The following SYNE2 variants were observed in gnomAD, a reference collection of about 807,000 sequenced individuals.
SYNE2 encodes the protein nesprin-2.
In SYNE2, 431 loss-of-function variants were observed where a neutral mutation model predicts 856.3. The ratio of observed to expected loss-of-function variants is 0.50; its 90% CI spans 0.47 to 0.55. SYNE2 has a LOEUF of 0.55. Among genes scored for constraint, SYNE2 ranks in the 20% least tolerant of loss-of-function variants. SYNE2 has a pLI of 0.00. For missense variants in SYNE2, 8,129 were observed against 8,023.2 expected (o/e 1.01, Z -0.50); for synonymous variants, 2,923 against 2,872.3 (o/e 1.02, Z -0.56).
At chr14:64,102,501 ATTTTTTTTTTT>A (rs1211142346) in intron 64 of SYNE2, among the ~76,000 whole-genome samples, 3 of 118,268 alleles carry the variant, frequency 2.5e-5, no homozygotes, top group African/African-American at 3.5e-5. Flanking sequence ...CATGGGCTGA[ATTTTTTTTTTT>A]TTTTTTTTTT....
At chr14:63,938,079 A>G (rs61984086) in intron 2 of SYNE2, among the ~76,000 whole-genome samples, 61,364 of 151,994 alleles carry the variant, frequency 0.4, 14,559 homozygotes, top group South Asian at 0.55. Flanking sequence ...GACGCAGGGC[A>G]GAAGACAAGT....
chr14:64,027,666 C>T lies in SYNE2; in HGVS notation c.6587C>T (p.Thr2196Ile), dbSNP rs1207748185. The T allele has an allele frequency of 6.2e-7, 1 of 1,614,108 alleles. No homozygotes were observed. The highest frequency in any genetic ancestry group is 1.7e-5 in the Admixed American group (1 of 60,022). Residue 2196 changes from threonine to isoleucine, a missense_variant, in exon 43 of 116, where the codon ACA becomes ATA. Physicochemically the swap from Thr to Ile is moderately conservative, Grantham distance 89. This residue lies in a region of SYNE2 where 297 missense variants were observed against 380.9 expected (regional missense o/e 0.78). Coordinates refer to ENST00000555002, the MANE Select transcript of SYNE2 (RefSeq NM_182914.3). Reference sequence around the variant, plus strand: ...TTCCTCAAGAAAGCCCAAGATTTGACATCCTTGCTAAAGGAGTTAAAATCT... The same window carrying T: ...TTCCTCAAGAAAGCCCAAGATTTGATATCCTTGCTAAAGGAGTTAAAATCT... The part of the protein sequence containing the change: ...KKFLKKAQDL[T>I]SLLKELKSQG...
At chr14:63,912,449 G>A (rs2095484534) in intron 2 of SYNE2, among the ~76,000 whole-genome samples, 1 of 152,156 alleles carries the variant, frequency 6.6e-6, no homozygotes. Flanking sequence ...ACAGCAAGCA[G>A]ACTCGTATTT....
intron 43 of SYNE2, 39 bp from the exon 44 acceptor site, chr14:64,029,852 CAGAG>C (rs751262011): frequency 1.4e-5 from 23 of 1,588,162 alleles, no homozygotes; most frequent in South Asian, 7.9e-5. Flanking sequence ...TGAAAACAAT[CAGAG>C]AGAAATAATT....
At chr14:64,105,944 A>G (rs111857826) in intron 64 of SYNE2, among the ~76,000 whole-genome samples, 3,741 of 151,866 alleles carry the variant, frequency 0.025, 64 homozygotes, top group Middle Eastern at 0.051. Flanking sequence ...CTATAGTCCC[A>G]GAGATTGAGG....
At chr14:63,951,157 A>G (rs2096151514) in intron 7 of SYNE2, among the ~76,000 whole-genome samples, 1 of 152,154 alleles carries the variant, frequency 6.6e-6, no homozygotes, top group Admixed American at 6.5e-5. Context: ...TGTCGAGTTC[A>G]AAAGGCATTT....
At chr14:64,142,627 A>G (rs2098148314) in intron 82 of SYNE2, among the ~76,000 whole-genome samples, 1 of 152,116 alleles carries the variant, frequency 6.6e-6, no homozygotes, top group Non-Finnish European at 1.5e-5. Context: ...ATGCATTATT[A>G]TAATTATTGG....
chr14:63,997,039 T>A lies in SYNE2; in HGVS notation c.3033T>A (p.Ser1011Arg). ...ELCEELPSQK[S>R]QQEVKRLLKD... Reference sequence around the variant, plus strand: ...GTGAAGAGCTGCCTTCACAGAAGAGTCAACAAGAAGTGAAGAGACTACTCA... The same window carrying A: ...GTGAAGAGCTGCCTTCACAGAAGAGACAACAAGAAGTGAAGAGACTACTCA... Residue 1011 changes from serine (S) to arginine (R), a missense_variant, in exon 24 of 116, where the codon AGT (serine) becomes AGA (arginine). Ser to Arg is a moderately radical substitution (Grantham distance 110). This residue lies in a region of SYNE2 where 2,422 missense variants were observed against 2,357.4 expected (regional missense o/e 1.03). Transcript: ENST00000555002. 1.2e-6 allele frequency: 2 copies of A among 1,613,676 alleles called. No individual in the cohort carries two copies. Among genetic ancestry groups the A allele is most frequent in the African/African-American group, 1.3e-5 (1 of 74,860 alleles).
chr14:64,215,142 C>A, intron 106 of SYNE2, 144 bp from the exon 107 acceptor site: 3 of 808,682 alleles, frequency 3.7e-6, no homozygotes, highest in Non-Finnish European at 4.1e-6. Context: ...AAAAAAAAAT[C>A]TTTCTGGTTT....
intron 94 of SYNE2, among the ~76,000 whole-genome samples, chr14:64,173,670 G>A (rs1044543324): frequency 3.3e-5 from 5 of 152,036 alleles, no homozygotes; most frequent in African/African-American, 4.8e-5. Flanking sequence ...GTGCAGTGGC[G>A]TGATCATAGC....
intron 96 of SYNE2, among the ~76,000 whole-genome samples, chr14:64,183,936 G>A (rs1000174838): frequency 2.2e-5 from 3 of 138,248 alleles, no homozygotes; most frequent in Non-Finnish European, 3.1e-5. Context: ...CGGCATCAGA[G>A]GGAGACGTGG....
chr14:63,788,128 C>A (rs1040660614), intron 1 of SYNE2, among the ~76,000 whole-genome samples: 1 of 152,220 alleles, frequency 6.6e-6, no homozygotes, highest in African/African-American at 2.4e-5. Flanking sequence ...TGGACTGCGA[C>A]AGCATCCCTG....
intron 113 of SYNE2, 76 bp from the exon 114 acceptor site, chr14:64,224,384 AG>A: frequency 8.5e-7 from 1 of 1,172,716 alleles, no homozygotes; most frequent in Non-Finnish European, 1.3e-6. Context: ...GATTTAAGGT[AG>A]GGGAGGGTGA....
chr14:63,941,426 T>C (rs1426666935), intron 3 of SYNE2, among the ~76,000 whole-genome samples: 1 of 152,246 alleles, frequency 6.6e-6, no homozygotes, highest in Non-Finnish European at 1.5e-5. Context: ...AAGTCTTTAA[T>C]GCCACTTGTG....
chr14:63,923,012 G>A (rs549038287), intron 2 of SYNE2, among the ~76,000 whole-genome samples: 8 of 152,310 alleles, frequency 5.3e-5, no homozygotes, highest in South Asian at 4.1e-4. Flanking sequence ...CACATACCTT[G>A]ATTTTTCAAA....
chr14:63,868,126 C>G (rs1251350469), intron 1 of SYNE2, among the ~76,000 whole-genome samples: 5 of 152,144 alleles, frequency 3.3e-5, no homozygotes, highest in Non-Finnish European at 7.3e-5. Context: ...AATTAACTAA[C>G]AGAACTGGTT....
At chr14:63,903,000 CT>C (rs2095359385) in intron 1 of SYNE2, among the ~76,000 whole-genome samples, 2 of 152,108 alleles carry the variant, frequency 1.3e-5, no homozygotes, top group Admixed American at 1.3e-4. Context: ...TTCTGCCTTC[CT>C]TTTTCAAAGC....
At chr14:63,880,530 T>A (rs1300912297) in intron 1 of SYNE2, among the ~76,000 whole-genome samples, 1 of 150,576 alleles carries the variant, frequency 6.6e-6, no homozygotes, top group East Asian at 1.9e-4. Flanking sequence ...ACCACAACTA[T>A]TTTTATTTTT....
At chr14:63,937,639 G>A (rs1179963783) in intron 2 of SYNE2, among the ~76,000 whole-genome samples, 2 of 152,162 alleles carry the variant, frequency 1.3e-5, no homozygotes, top group African/African-American at 2.4e-5. Context: ...TGGGGACAGG[G>A]AGAGGGCCAT....
Sources: gnomAD v4.1 joint callset for allele counts (sites outside exome capture counted in the v4.1 genomes callset) on GRCh38, gnomAD v4.1.1 for gene constraint, gnomAD v4.1.1 regional missense constraint, MANE v1.5 for transcripts, NCBI Gene and HGNC (gene_info 2026-07-23, HGNC 2026-07-21) for gene names.